PLOD2: variants seen among roughly 807,000 people sequenced by gnomAD.
The protein encoded by PLOD2 is lysine hydroxylase 2.
In PLOD2, 65 loss-of-function variants were observed where a neutral mutation model predicts 101.0. That is an observed-to-expected ratio of 0.64 (90% CI 0.53 to 0.79). The LOEUF is 0.79. Among genes scored for constraint, PLOD2 ranks in the 30% least tolerant of loss-of-function variants. The probability of loss-of-function intolerance (pLI) is 0.00; values close to 1 mark genes in which losing one functional copy is unlikely to be tolerated. For synonymous variants in PLOD2, 314 were observed against 302.9 expected, an observed-to-expected ratio of 1.04 and a Z score of -0.38; for missense variants, 909 against 914.6, an observed-to-expected ratio of 0.99 and a Z score of 0.08.
At chr3:146,157,697 T>C (rs1380238257) in intron 1 of PLOD2, among the ~76,000 whole-genome samples, 1 of 152,212 alleles carries the variant, frequency 6.6e-6, no homozygotes, top group Non-Finnish European at 1.5e-5. Flanking sequence ...TCATTTCTTG[T>C]CTTCACATTC....
intron 2 of PLOD2, among the ~76,000 whole-genome samples, chr3:146,121,801 T>C (rs1304589508): frequency 2.6e-5 from 4 of 152,198 alleles, no homozygotes; most frequent in Non-Finnish European, 5.9e-5. Context: ...ATGCAAGATA[T>C]TGCCTAAGTA....
Position 146,146,300 on chromosome 3 carries a change from C to T in PLOD2, c.109+14581G>A, listed in dbSNP as rs1227365536. The stretch of plus-strand genomic sequence containing the variant: ...ATGAGAAAATCAAATATTAAAGGTG[C>T]ATTTCTCCAAGTTCTTTGGAGCTAA... On this transcript the variant is annotated intron_variant, in intron 1 of 19. Transcript: ENST00000282903. 3.9e-5 allele frequency among the ~76,000 whole-genome samples: 6 copies of T among 152,136 alleles called. No individual in the cohort carries two copies. In the East Asian group the frequency reaches 9.6e-4, roughly 24 times the overall value.
At chr3:146,083,247 T>C (rs1468661937) in intron 11 of PLOD2, among the ~76,000 whole-genome samples, 1 of 152,192 alleles carries the variant, frequency 6.6e-6, no homozygotes, top group Non-Finnish European at 1.5e-5. Flanking sequence ...ATTCATATTA[T>C]TATACAATTT....
At chr3:146,106,390 A>G (rs778382644) in intron 5 of PLOD2, 142 bp downstream of exon 5, 101 of 667,850 alleles carry the variant, frequency 1.5e-4, no homozygotes, top group Non-Finnish European at 2.7e-5. Context: ...ACCTATTAAA[A>G]TATGTTTTCA....
chr3:146,090,274 T>C (rs1372768978), intron 8 of PLOD2, among the ~76,000 whole-genome samples: 1 of 151,434 alleles, frequency 6.6e-6, no homozygotes, highest in Non-Finnish European at 1.5e-5. Context: ...CAATTTTAAT[T>C]TTTATATCCC....
At chr3:146,095,886 TCCCCTCTC>T (rs1386756133) in intron 7 of PLOD2, among the ~76,000 whole-genome samples, 2 of 100,720 alleles carry the variant, frequency 2.0e-5, no homozygotes, top group East Asian at 3.4e-4. Flanking sequence ...CTCTCCCCTC[TCCCCTCTC>T]CCCCCTCCCC....
rs1937433353 is a variant in PLOD2 at position 146,102,767 on chromosome 3, A to G, written c.765T>C (p.Asn255=). The G allele has an allele frequency of 6.4e-7, 1 of 1,570,410 alleles. No individual in the cohort carries two copies. Among genetic ancestry groups the G allele is most frequent in the Non-Finnish European group, 8.8e-7 (1 of 1,140,328 alleles). The change falls in exon 7 of 20, where the codon AAT becomes AAC. Residue 255 remains asparagine (N), a synonymous_variant. Coordinates refer to ENST00000282903, the MANE Select transcript of PLOD2 (RefSeq NM_182943.3). ...AACTGTTACTTACCTTGGTGGGTCCATTTCCATTAATTGCCACTGGTAATG... is the reference window on the plus strand; with the variant it reads ...AACTGTTACTTACCTTGGTGGGTCCGTTTCCATTAATTGCCACTGGTAATG... ...YETLPVAING[N]GPTKILLNYF...
chr3:146,125,264 T>C (rs568421702), intron 1 of PLOD2, among the ~76,000 whole-genome samples: 9 of 152,258 alleles, frequency 5.9e-5, no homozygotes, highest in African/African-American at 1.9e-4. Context: ...TAATGCATTA[T>C]AGGAATCAGT....
chr3:146,126,996 A>G (rs141694199), intron 1 of PLOD2, among the ~76,000 whole-genome samples: 6 of 152,278 alleles, frequency 3.9e-5, no homozygotes, highest in African/African-American at 1.2e-4. Context: ...AAAAATCCCT[A>G]TAATTACTAT....
Position 146,086,668 on chromosome 3 carries a change from G to A in PLOD2, c.1127+119C>T, listed in dbSNP as rs184225394. ...ACAGTCTAAGTTGGCTACTGCATAC[G>A]CAAACAAATAGTTTGAGACACCCAA... On this transcript the variant is annotated intron_variant, in intron 10 of 19. Transcript: ENST00000282903. 3.8e-5 allele frequency: 24 copies of A among 624,934 alleles called. No homozygotes were observed. In the Admixed American group the frequency reaches 4.0e-4, roughly 10 times the overall value. 38.7% of individuals were successfully genotyped at this position (624,934 alleles called of 1,614,324 possible).
chr3:146,079,357 TATAC>T, intron 12 of PLOD2, 100 bp from the exon 13 acceptor site: 1 of 831,278 alleles, frequency 1.2e-6, no homozygotes, highest in Admixed American at 2.1e-5. Flanking sequence ...TTAGATTTTG[TATAC>T]ATAAATTATT....
At chr3:146,128,424 A>G (rs2108105161) in intron 1 of PLOD2, among the ~76,000 whole-genome samples, 1 of 152,290 alleles carries the variant, frequency 6.6e-6, no homozygotes. Context: ...GTTTCCATGA[A>G]TAAGAAACAG....
intron 16 of PLOD2, 64 bp from the exon 17 acceptor site, chr3:146,072,729 T>C: frequency 1.0e-6 from 1 of 987,432 alleles, no homozygotes; most frequent in Non-Finnish European, 1.6e-6. Flanking sequence ...TCTAAAATAG[T>C]TATTTTAATA....
At chr3:146,123,009 A>T (rs570441901) in intron 2 of PLOD2, among the ~76,000 whole-genome samples, 2 of 152,182 alleles carry the variant, frequency 1.3e-5, no homozygotes, top group South Asian at 4.2e-4. Context: ...TATTTCTAAC[A>T]TGTTTTTCAT....
chr3:146,079,398 A>T, intron 12 of PLOD2, 141 bp from the exon 13 acceptor site: 1 of 647,044 alleles, frequency 1.5e-6, no homozygotes, highest in South Asian at 1.8e-5. Context: ...ATATTCAATG[A>T]TATATATATA....
chr3:146,147,174 G>GT (rs1387315455), intron 1 of PLOD2, among the ~76,000 whole-genome samples: 1 of 152,164 alleles, frequency 6.6e-6, no homozygotes, highest in East Asian at 1.9e-4. Flanking sequence ...AGAGAATACT[G>GT]TAGGAGTTCA....
At chr3:146,075,737 T>C (rs969781795) in intron 15 of PLOD2, among the ~76,000 whole-genome samples, 7 of 151,606 alleles carry the variant, frequency 4.6e-5, no homozygotes, top group South Asian at 2.1e-4. Context: ...GTTTCTAAAA[T>C]TGTGATTAAA....
At chr3:146,145,538 T>G (rs1045091979) in intron 1 of PLOD2, among the ~76,000 whole-genome samples, 25 of 152,284 alleles carry the variant, frequency 1.6e-4, no homozygotes, top group African/African-American at 5.8e-4. Context: ...AGCAGGAGTT[T>G]CAGCCATAAG....
Position 146,121,154 on chromosome 3 carries a change from T to C in PLOD2, c.296A>G (p.His99Arg), listed in dbSNP as rs757291199. 18 of 1,608,796 alleles carry C rather than the reference T, an allele frequency of 1.1e-5. No individual in the cohort carries two copies. Among genetic ancestry groups the C allele is most frequent in the Admixed American group, 3.3e-5 (2 of 59,956 alleles). Residue 99 changes from histidine (H) to arginine (R), a missense_variant, in exon 3 of 20, where the codon CAC becomes CGC. Transcript: ENST00000282903. ...AACCAGATCATCTTGATCAGCATAG[T>C]GTTCCATGACTTCTTTCATTAATCT... Reference protein sequence around the residue: ...KVRLMKEVMEHYADQDDLVVM... With the variant: ...KVRLMKEVMERYADQDDLVVM...
Sources: allele counts gnomAD v4.1 joint callset (sites outside exome capture counted in the v4.1 genomes callset), GRCh38; gene constraint gnomAD v4.1.1; transcripts MANE v1.5; gene names NCBI Gene and HGNC (gene_info 2026-07-23, HGNC 2026-07-21).